Variants in NUP210L observed in about 807,000 individuals in gnomAD.
NUP210L encodes nucleoporin 210 like, also known as nuclear pore membrane glycoprotein 210-like.
A neutral mutation model predicts 208.5 loss-of-function variants in NUP210L; 74 were observed. That is an observed-to-expected ratio of 0.35 (90% CI 0.29 to 0.43). The LOEUF (loss-of-function observed/expected upper bound fraction) is 0.43. Ranked by LOEUF, NUP210L falls within the 20% of genes least tolerant of loss-of-function variation. The pLI, the probability that NUP210L is intolerant of heterozygous loss-of-function variation, is 1.00. For synonymous variants in NUP210L, 780 were observed against 816.9 expected (o/e 0.95, Z 0.77); for missense variants, 1,843 against 2,289.4 (o/e 0.81, Z 3.98).
intron 31 of NUP210L, among the ~76,000 whole-genome samples, chr1:154,022,675 CTTTTTTTTT>C (rs375659718): frequency 8.7e-6 from 1 of 115,012 alleles, no homozygotes; most frequent in African/African-American, 3.2e-5. Flanking sequence ...TAAGTCTGGT[CTTTTTTTTT>C]TTTTTTTTTT....
In NUP210L at chr1:154,125,746, G is replaced by GAAGGAAGGAAGA. The variant is rs1557995138; in HGVS notation, c.1326+576_1326+577insTCTTCCTTCCTT. Among the ~76,000 whole-genome samples the GAAGGAAGGAAGA allele has an allele frequency of 4.9e-4, 2 of 4,116 alleles. 1 individual carries two copies. Among genetic ancestry groups the GAAGGAAGGAAGA allele is most frequent in the African/African-American group, 6.4e-4 (2 of 3,102 alleles). 2.7% of individuals were successfully genotyped at this position (4,116 alleles called of 152,430 possible). On this transcript the variant is annotated intron_variant, in intron 10 of 39. Coordinates refer to ENST00000368559, the Ensembl canonical transcript of NUP210L. ...GGAAGGAAGGAAGGAAGGGAGGGAG[G>GAAGGAAGGAAGA]GAAATGTTTTTTTTTTTTTTTTTTT...
chr1:154,152,978 T>C lies in NUP210L; in HGVS notation c.204-106A>G. 3 of 915,792 alleles carry C rather than the reference T, an allele frequency of 3.3e-6. 1 individual carries two copies. In the South Asian group the frequency reaches 4.9e-5, roughly 15 times the overall value. 56.7% of individuals were successfully genotyped at this position (915,792 alleles called of 1,614,324 possible). A position where few individuals can be genotyped will look rare whatever the true frequency, so the allele number is the denominator to read the frequency against. On this transcript the variant is annotated intron_variant, in intron 1 of 39. Coordinates refer to ENST00000368559, the Ensembl canonical transcript of NUP210L. ...TCCATGTTACATACTACCAGGTATA[T>C]GTAAATGACACTTTTTAAAGAAGGA... is the stretch of plus-strand genomic sequence containing the variant.
chr1:154,109,164 A>G (rs933981080), intron 12 of NUP210L, among the ~76,000 whole-genome samples: 1 of 151,726 alleles, frequency 6.6e-6, no homozygotes, highest in African/African-American at 2.4e-5. Flanking sequence ...CTTCACCTAT[A>G]AAGACACATG....
chr1:154,022,512 C>T (rs1286963888), intron 31 of NUP210L, among the ~76,000 whole-genome samples, 169 bp from the exon 32 acceptor site: 7 of 150,400 alleles, frequency 4.7e-5, no homozygotes, highest in Admixed American at 4.0e-4. Context: ...TACCTTCATA[C>T]GTATAGTTCC....
chr1:154,152,673 A>G, intron 2 of NUP210L, 63 bp downstream of exon 2: 1 of 1,441,310 alleles, frequency 6.9e-7, no homozygotes. Context: ...AACTATCTAT[A>G]CAAAATACCA....
intron 7 of NUP210L, among the ~76,000 whole-genome samples, chr1:154,131,169 G>A (rs866147206): frequency 6.6e-6 from 1 of 151,708 alleles, no homozygotes; most frequent in Non-Finnish European, 1.5e-5. Context: ...CTACTTGGGA[G>A]GCTGAGGCAG....
chr1:154,048,621 CA>C (rs963379128), intron 25 of NUP210L, among the ~76,000 whole-genome samples: 1 of 152,206 alleles, frequency 6.6e-6, no homozygotes, highest in African/African-American at 2.4e-5. Flanking sequence ...GCCACTCCCT[CA>C]CCCCTGTACA....
intron 27 of NUP210L, among the ~76,000 whole-genome samples, chr1:154,038,400 T>C (rs1239241893): frequency 2.0e-5 from 3 of 151,094 alleles, no homozygotes; most frequent in Non-Finnish European, 4.4e-5. Flanking sequence ...CAGAATGCAA[T>C]GGCACAATTT....
At chr1:154,096,836 T>C (rs1656202218) in intron 14 of NUP210L, among the ~76,000 whole-genome samples, 1 of 151,862 alleles carries the variant, frequency 6.6e-6, no homozygotes. Context: ...ATGCAAGCAC[T>C]TTGGGAGGCC....
intron 9 of NUP210L, 84 bp from the exon 10 acceptor site, chr1:154,126,547 T>C: frequency 8.5e-7 from 1 of 1,182,792 alleles, no homozygotes; most frequent in Non-Finnish European, 1.2e-6. Context: ...TCTATAAAAC[T>C]GTAGCTATGC....
intron 38 of NUP210L, 133 bp from the exon 39 acceptor site, chr1:153,993,222 G>C: frequency 1.7e-6 from 1 of 591,702 alleles, no homozygotes; most frequent in Non-Finnish European, 2.9e-6. Flanking sequence ...ATTACAGGAA[G>C]TTTTTATCCC....
exon 7 of NUP210L, chr1:154,135,942 A>C: frequency 1.2e-6 from 2 of 1,607,062 alleles, no homozygotes; most frequent in Non-Finnish European, 1.7e-6. Flanking sequence ...TTGCAATTCC[A>C]GTATATAATG....
At chr1:154,030,782 A>T (rs1652172988) in intron 27 of NUP210L, among the ~76,000 whole-genome samples, 1 of 151,498 alleles carries the variant, frequency 6.6e-6, no homozygotes, top group Non-Finnish European at 1.5e-5. Context: ...CCAAGGCTGG[A>T]GTGCAGTGGT....
At chr1:154,000,318 G>A (rs1476856957) in intron 37 of NUP210L, among the ~76,000 whole-genome samples, 1 of 152,078 alleles carries the variant, frequency 6.6e-6, no homozygotes, top group Non-Finnish European at 1.5e-5. Flanking sequence ...ATATCTGTGG[G>A]GAATATGTTC....
intron 36 of NUP210L, among the ~76,000 whole-genome samples, chr1:154,001,492 G>A (rs961283714): frequency 2.0e-5 from 3 of 152,064 alleles, no homozygotes; most frequent in Non-Finnish European, 4.4e-5. Context: ...CACCGCGCTC[G>A]GCCAATCATT....
rs117401829 is a variant in NUP210L, at chr1:154,122,704, T to C, written c.1326+3619A>G. ...AAGTGTTGACAAGGATGTGGAGAAA[T>C]AGGAACACTTATACAATGCTGGTGG... On this transcript the variant is annotated intron_variant, in intron 10 of 39. Transcript: ENST00000368559. 9.9e-4 allele frequency among the ~76,000 whole-genome samples: 150 copies of C among 151,986 alleles called. 3 individuals carry two copies. In the East Asian group the frequency reaches 0.026, roughly 26 times the overall value.
chr1:154,018,656 C>A (rs919263003), intron 33 of NUP210L, among the ~76,000 whole-genome samples: 2 of 152,124 alleles, frequency 1.3e-5, no homozygotes, highest in African/African-American at 4.8e-5. Flanking sequence ...CCTGGATTAC[C>A]GCAGTAGACT....
intron 37 of NUP210L, chr1:153,995,841 A>G: frequency 6.6e-6 from 4 of 605,140 alleles, no homozygotes; most frequent in South Asian, 5.6e-5. Context: ...TGTCCAAAAC[A>G]ACATGTCGGG....
At chr1:154,058,326 G>T in intron 21 of NUP210L, 110 bp from the exon 22 acceptor site, 1 of 1,230,290 alleles carries the variant, frequency 8.1e-7, no homozygotes, top group Non-Finnish European at 1.1e-6. Flanking sequence ...AATGATCCTG[G>T]TCAGCCTTCA....
Sources: allele counts gnomAD v4.1 joint callset (sites outside exome capture counted in the v4.1 genomes callset), GRCh38; gene constraint gnomAD v4.1.1; transcripts MANE v1.5; gene names NCBI Gene and HGNC (gene_info 2026-07-23, HGNC 2026-07-21).